SLC22A25: variants seen among roughly 807,000 people sequenced by gnomAD.
SLC22A25 encodes the protein solute carrier family 22 member 25, also known as MGI:2442751, MGI:2385316, MGI:3042283, MGI:3645714, MGI:3605624, MGI:2442750.
A neutral mutation model predicts 45.9 loss-of-function variants in SLC22A25; 44 were observed. The observed-to-expected ratio is 0.96, with a 90% CI of 0.75 to 1.23. The LOEUF (loss-of-function observed/expected upper bound fraction) is 1.23. SLC22A25 is among the 50% of genes most tolerant of loss of function. SLC22A25 has a pLI of 0.00. For synonymous variants in SLC22A25, 283 were observed against 238.6 expected (o/e 1.19, Z -1.72); for missense variants, 800 against 666.4 (o/e 1.20, Z -2.21).
intron 5 of SLC22A25, among the ~76,000 whole-genome samples, chr11:63,220,407 G>T (rs2089827198): frequency 6.6e-6 from 1 of 152,106 alleles, no homozygotes; most frequent in Admixed American, 6.5e-5. Context: ...AGATAACTCT[G>T]TTTCATCTTT....
chr11:63,182,944 C>A (rs977513316), intron 8 of SLC22A25, among the ~76,000 whole-genome samples: 20 of 152,168 alleles, frequency 1.3e-4, no homozygotes, highest in African/African-American at 4.6e-4. Flanking sequence ...TTAAACATGT[C>A]CATTAGTTCT....
At chr11:63,209,329 A>T (rs560318348) in intron 7 of SLC22A25, among the ~76,000 whole-genome samples, 2 of 152,264 alleles carry the variant, frequency 1.3e-5, no homozygotes, top group Admixed American at 1.3e-4. Context: ...TCCCAGGAAA[A>T]GGAATCCCTG....
At chr11:63,190,250 A>G (rs948491268) in intron 7 of SLC22A25, among the ~76,000 whole-genome samples, 8 of 150,552 alleles carry the variant, frequency 5.3e-5, no homozygotes, top group Admixed American at 2.6e-4. Flanking sequence ...GTTTCTTTTT[A>G]CTCTTTTTTC....
Position 63,166,166 on chromosome 11 carries a change from ACTGCACCAAAGAGAGT to A in SLC22A25, c.1147_1162del (p.Thr383SerfsTer13). 6.2e-7 allele frequency: 1 copy of A among 1,614,060 alleles called. No individual in the cohort carries two copies. Among genetic ancestry groups the A allele is most frequent in the Non-Finnish European group, 8.5e-7 (1 of 1,179,962 alleles). ...TGCAACACAATTGGCCAGGAGGGTG[ACTGCACCAAAGAGAGT>A]CTGCAACAGGAAAACATTGTTTCCC... On this transcript the variant is annotated frameshift_variant, in exon 10 of 12. Coordinates refer to ENST00000306494, the MANE Select transcript of SLC22A25 (RefSeq NM_199352.6). LOFTEE classifies it high-confidence loss of function.
rs2087564462 is a variant in SLC22A25, at chr11:63,163,150, T to C, written c.*674A>G. Among the ~76,000 whole-genome samples the C allele has an allele frequency of 6.6e-6, 1 of 152,174 alleles. No individual in the cohort carries two copies. The highest frequency in any genetic ancestry group is 2.4e-5 in the African/African-American group (1 of 41,444). ...GAAGTAAAAAACCAAGCTCCCAGCC[T>C]AGGATCTGGGAAGGCAGCTTGAATA... is the stretch of plus-strand genomic sequence containing the variant. On this transcript the variant is annotated 3_prime_UTR_variant, in exon 12 of 12. Coordinates refer to ENST00000306494, the MANE Select transcript of SLC22A25 (RefSeq NM_199352.6).
intron 7 of SLC22A25, among the ~76,000 whole-genome samples, chr11:63,187,397 T>C (rs2088601629): frequency 6.6e-6 from 1 of 152,250 alleles, no homozygotes; most frequent in African/African-American, 2.4e-5. Flanking sequence ...ACTTATTTTA[T>C]ATCCTGAGAC....
intron 3 of SLC22A25, among the ~76,000 whole-genome samples, chr11:63,233,554 C>A (rs945602281): frequency 1.3e-5 from 2 of 152,150 alleles, no homozygotes; most frequent in Admixed American, 6.5e-5. Flanking sequence ...TGCTAGCAGT[C>A]TATCAATTTT....
rs555214595 is a variant in SLC22A25, at chr11:63,159,268, A to T, written c.*4556T>A. Reference sequence around the variant, plus strand: ...TACTTATTTCCTTTCTTTTGGGTATATGCCTTTGATATGATTTGGCTGCAC... The same window carrying T: ...TACTTATTTCCTTTCTTTTGGGTATTTGCCTTTGATATGATTTGGCTGCAC... On this transcript the variant is annotated 3_prime_UTR_variant, in exon 12 of 12. Coordinates refer to ENST00000306494, the MANE Select transcript of SLC22A25 (RefSeq NM_199352.6). Among the ~76,000 whole-genome samples the T allele has an allele frequency of 1.3e-5, 2 of 152,212 alleles. No homozygotes were observed. Among genetic ancestry groups the T allele is most frequent in the South Asian group, 4.1e-4 (2 of 4,828 alleles).
intron 5 of SLC22A25, among the ~76,000 whole-genome samples, chr11:63,226,129 A>G (rs1436376665): frequency 6.6e-6 from 1 of 151,996 alleles, no homozygotes; most frequent in African/African-American, 2.4e-5. Context: ...TGTCTCTCCA[A>G]TATTGGTCCC....
chr11:63,209,391 C>T (rs763320056), intron 7 of SLC22A25, among the ~76,000 whole-genome samples: 9 of 152,212 alleles, frequency 5.9e-5, no homozygotes, highest in South Asian at 4.2e-4. Context: ...AAGAGAATGT[C>T]GGCCCCCATA....
intron 7 of SLC22A25, among the ~76,000 whole-genome samples, chr11:63,191,528 T>C (rs3891628): frequency 0.38 from 57,836 of 151,910 alleles, 12,487 homozygotes; most frequent in African/African-American, 0.58. Flanking sequence ...CTTCAGCTCA[T>C]GCTCAGTGCA....
chr11:63,213,623 G>T (rs1216392075), intron 7 of SLC22A25, among the ~76,000 whole-genome samples: 1 of 152,176 alleles, frequency 6.6e-6, no homozygotes, highest in Non-Finnish European at 1.5e-5. Flanking sequence ...AAGGACTTCT[G>T]TGTGAAAATC....
chr11:63,198,912 A>G (rs1212136067), intron 7 of SLC22A25, among the ~76,000 whole-genome samples: 1 of 152,146 alleles, frequency 6.6e-6, no homozygotes, highest in Non-Finnish European at 1.5e-5. Flanking sequence ...AGGCAGTGTT[A>G]AGGTGGAAAT....
intron 7 of SLC22A25, among the ~76,000 whole-genome samples, chr11:63,206,329 A>G (rs562567968): frequency 6.6e-5 from 10 of 152,222 alleles, no homozygotes; most frequent in Non-Finnish European, 1.2e-4. Context: ...TCAAACAGGA[A>G]GAGAGGAAGT....
intron 7 of SLC22A25, among the ~76,000 whole-genome samples, chr11:63,205,087 G>GA (rs1188019565): frequency 2.6e-5 from 4 of 152,038 alleles, no homozygotes; most frequent in South Asian, 2.1e-4. Context: ...AATTAAGGCA[G>GA]AAAAAAATAC....
chr11:63,205,190 A>G (rs527389727), intron 7 of SLC22A25, among the ~76,000 whole-genome samples: 16 of 152,354 alleles, frequency 1.1e-4, no homozygotes, highest in African/African-American at 3.8e-4. Flanking sequence ...ATAGCACTAA[A>G]TGCCCACAGA....
intron 9 of SLC22A25, among the ~76,000 whole-genome samples, chr11:63,174,354 G>A (rs908238492): frequency 2.0e-5 from 3 of 152,094 alleles, no homozygotes; most frequent in African/African-American, 7.2e-5. Context: ...GCTCCCAGTG[G>A]CAGAGCAATG....
chr11:63,232,762 C>G (rs1400014896), intron 3 of SLC22A25, among the ~76,000 whole-genome samples: 1 of 152,154 alleles, frequency 6.6e-6, no homozygotes, highest in Non-Finnish European at 1.5e-5. Flanking sequence ...GTGTTATTCA[C>G]TGTGGGTTTG....
rs570005112 is a variant in SLC22A25 at position 63,190,323 on chromosome 11, C to T, written c.831-6506G>A. Among the ~76,000 whole-genome samples the T allele has an allele frequency of 2.5e-3, 384 of 152,240 alleles. 1 individual carries two copies. The highest frequency in any genetic ancestry group is 4.5e-3 in the Non-Finnish European group (309 of 68,008). On this transcript the variant is annotated intron_variant, in intron 7 of 11. Coordinates refer to ENST00000306494, the MANE Select transcript of SLC22A25 (RefSeq NM_199352.6). The stretch of plus-strand genomic sequence containing the variant: ...TCTTTCATCACTGATACCCTTTCTT[C>T]CAGTTGATTGAATCGGCTACTGAGG...
Sources: gnomAD v4.1 joint callset for allele counts (sites outside exome capture counted in the v4.1 genomes callset) on GRCh38, gnomAD v4.1.1 for gene constraint, MANE v1.5 for transcripts, NCBI Gene and HGNC (gene_info 2026-07-23, HGNC 2026-07-21) for gene names.